Variants in TMEM132C observed in about 807,000 individuals in gnomAD.
TMEM132C encodes protein phosphatase 1, regulatory subunit 152.
Under a neutral mutation model 61.4 loss-of-function variants are expected in TMEM132C, and 29 were observed. That is an observed-to-expected ratio of 0.47 (90% CI 0.35 to 0.64). The LOEUF (loss-of-function observed/expected upper bound fraction) is 0.64. TMEM132C is among the 30% of genes least tolerant of loss of function. The pLI is 0.00. For synonymous variants in TMEM132C, 656 were observed against 633.1 expected, an observed-to-expected ratio of 1.04 and a Z score of -0.54; for missense variants, 1,408 against 1,476.9, an observed-to-expected ratio of 0.95 and a Z score of 0.76.
intron 1 of TMEM132C, among the ~76,000 whole-genome samples, chr12:128,387,227 A>G (rs1330252386): frequency 3.9e-5 from 6 of 152,068 alleles, no homozygotes; most frequent in African/African-American, 9.7e-5. Flanking sequence ...CAAAGCCCCA[A>G]TTCGGGAACC....
chr12:128,601,421 G>A (rs899188724), intron 3 of TMEM132C, among the ~76,000 whole-genome samples: 41 of 152,224 alleles, frequency 2.7e-4, no homozygotes, highest in Non-Finnish European at 4.8e-4. Context: ...AGGCGATCAC[G>A]GGGAGTAGAA....
intron 3 of TMEM132C, among the ~76,000 whole-genome samples, chr12:128,567,070 G>A (rs774700815): frequency 3.0e-4 from 46 of 152,216 alleles, no homozygotes; most frequent in Non-Finnish European, 6.0e-4. Flanking sequence ...ATTTTGAAGA[G>A]CAAATTCAGC....
intron 2 of TMEM132C, among the ~76,000 whole-genome samples, chr12:128,418,531 C>A (rs7300841): frequency 0.013 from 1,941 of 152,266 alleles, 47 homozygotes; most frequent in African/African-American, 0.043. Flanking sequence ...GAAGGCGCTT[C>A]TTTAAACAAA....
chr12:128,489,562 CAT>C (rs10654008), intron 2 of TMEM132C, among the ~76,000 whole-genome samples: 213 of 138,094 alleles, frequency 1.5e-3, no homozygotes, highest in Admixed American at 1.9e-3. Flanking sequence ...TTTATATGCT[CAT>C]ATATATATAT....
chr12:128,590,061 C>A (rs1875698710), intron 3 of TMEM132C, among the ~76,000 whole-genome samples: 1 of 152,210 alleles, frequency 6.6e-6, no homozygotes, highest in Non-Finnish European at 1.5e-5. Context: ...GAAATTACTT[C>A]TCTGGGATAT....
chr12:128,653,225 C>A (rs192795496), intron 4 of TMEM132C, among the ~76,000 whole-genome samples: 1 of 149,188 alleles, frequency 6.7e-6, no homozygotes, highest in Admixed American at 6.7e-5. Context: ...TAGGTAAGTC[C>A]ATAGAGGCAG....
At chr12:128,642,118 G>GT (rs201716883) in intron 4 of TMEM132C, among the ~76,000 whole-genome samples, 2,590 of 148,604 alleles carry the variant, frequency 0.017, 76 homozygotes, top group African/African-American at 0.061. Flanking sequence ...CCCATTTTTT[G>GT]TTTTTTTTGT....
At position 128,578,060 on chromosome 12, in the gene TMEM132C, C is replaced by T. The variant is rs1038685; in HGVS notation, c.1121+33957C>T. Among the ~76,000 whole-genome samples, 1,446 of 152,136 alleles carry T rather than the reference C, an allele frequency of 9.5e-3. 24 individuals carry two copies. The highest frequency in any genetic ancestry group is 0.029 in the African/African-American group (1,207 of 41,488). ...TCAAGAGAAAACTTTATGTCATTAC[C>T]GAGTATGAAAAAACTGTATCATTTG... On this transcript the variant is annotated intron_variant, in intron 3 of 8. Coordinates refer to ENST00000435159, the MANE Select transcript of TMEM132C (RefSeq NM_001136103.3).
intron 3 of TMEM132C, among the ~76,000 whole-genome samples, chr12:128,610,140 C>T (rs1336268764): frequency 6.6e-6 from 1 of 152,208 alleles, no homozygotes; most frequent in Non-Finnish European, 1.5e-5. Context: ...AGTGAGGAAG[C>T]AAGTGTCCTT....
intron 3 of TMEM132C, among the ~76,000 whole-genome samples, chr12:128,559,957 CAT>C (rs1020334576): frequency 6.9e-4 from 105 of 152,314 alleles, no homozygotes; most frequent in African/African-American, 2.3e-3. Flanking sequence ...CTCTTTAAAA[CAT>C]AAATCAGGCT....
At chr12:128,624,843 G>T (rs998357262) in intron 4 of TMEM132C, among the ~76,000 whole-genome samples, 1 of 152,102 alleles carries the variant, frequency 6.6e-6, no homozygotes, top group Non-Finnish European at 1.5e-5. Context: ...CTACTGAGTC[G>T]GGGAGGTAGC....
chr12:128,377,157 C>A (rs538295402), intron 1 of TMEM132C, among the ~76,000 whole-genome samples: 2 of 151,822 alleles, frequency 1.3e-5, no homozygotes, highest in East Asian at 1.9e-4. Flanking sequence ...CAGGTTCAAG[C>A]GATTCTCCTG....
chr12:128,384,468 G>A (rs750867582), intron 1 of TMEM132C, among the ~76,000 whole-genome samples: 5 of 152,164 alleles, frequency 3.3e-5, no homozygotes, highest in Non-Finnish European at 7.3e-5. Flanking sequence ...CCATTTAGGG[G>A]AGGGATCTTT....
chr12:128,282,903 G>A (rs1870943126), intron 1 of TMEM132C, among the ~76,000 whole-genome samples: 1 of 152,106 alleles, frequency 6.6e-6, no homozygotes, highest in Admixed American at 6.6e-5. Flanking sequence ...TGTTGTCTTT[G>A]TACTTTATCG....
intron 2 of TMEM132C, among the ~76,000 whole-genome samples, chr12:128,469,460 C>A (rs1245556024): frequency 6.6e-6 from 1 of 151,674 alleles, no homozygotes; most frequent in Non-Finnish European, 1.5e-5. Flanking sequence ...GGACTACAGG[C>A]ATGCACCACC....
chr12:128,517,099 C>T (rs1045843388), intron 2 of TMEM132C, among the ~76,000 whole-genome samples: 7 of 151,474 alleles, frequency 4.6e-5, no homozygotes, highest in African/African-American at 9.7e-5. Flanking sequence ...GGTGTGGTGG[C>T]GTGTGCCTGT....
In TMEM132C at chr12:128,414,859, G is replaced by A; in HGVS notation, c.213G>A (p.Leu71=). The A allele has an allele frequency of 1.9e-6, 3 of 1,550,652 alleles. No individual in the cohort carries two copies. The highest frequency in any genetic ancestry group is 4.9e-5 in the East Asian group (2 of 40,942). ...SFFLKEANQD[L]LRNSSLQARV... ...TCCTCAAGGAAGCCAACCAGGACCTGCTGCGGAACTCCAGCCTGCAGGCGA... is the reference window on the plus strand; with the variant it reads ...TCCTCAAGGAAGCCAACCAGGACCTACTGCGGAACTCCAGCCTGCAGGCGA... Residue 71 remains leucine, a synonymous_variant, in exon 2 of 9, where the codon CTG becomes CTA. Transcript: ENST00000435159.
intron 4 of TMEM132C, among the ~76,000 whole-genome samples, chr12:128,644,150 G>A (rs1490475681): frequency 2.0e-5 from 3 of 152,184 alleles, no homozygotes; most frequent in Non-Finnish European, 4.4e-5. Flanking sequence ...CGCTGGTGGT[G>A]GGAATGCAGT....
intron 2 of TMEM132C, among the ~76,000 whole-genome samples, chr12:128,466,893 G>A (rs1166346467): frequency 6.6e-6 from 1 of 152,176 alleles, no homozygotes; most frequent in East Asian, 1.9e-4. Context: ...TGGCTACATA[G>A]GGGAAGAGAT....
Sources: allele counts gnomAD v4.1 joint callset (sites outside exome capture counted in the v4.1 genomes callset), GRCh38; gene constraint gnomAD v4.1.1; transcripts MANE v1.5; gene names NCBI Gene and HGNC (gene_info 2026-07-23, HGNC 2026-07-21).